The following JOSD2 variants were observed in gnomAD, a reference collection of about 807,000 sequenced individuals.
The protein encoded by JOSD2 is Josephin domain containing 2.
A neutral mutation model predicts 19.3 loss-of-function variants in JOSD2; 20 were observed. The ratio of observed to expected loss-of-function variants is 1.04; its 90% CI spans 0.73 to 1.51. The LOEUF (loss-of-function observed/expected upper bound fraction) is 1.51. Among genes scored for constraint, JOSD2 ranks in the 40% most tolerant of loss-of-function variants. The probability of loss-of-function intolerance (pLI) is 0.00; values close to 1 mark genes in which losing one functional copy is unlikely to be tolerated. For synonymous variants in JOSD2, 118 were observed against 123.7 expected (o/e 0.95, Z 0.31); for missense variants, 215 against 250.4 (o/e 0.86, Z 0.95).
chr19:50,506,511 C>T lies in JOSD2; in HGVS notation c.334G>A (p.Val112Met), dbSNP rs200052306. The T allele has an allele frequency of 5.7e-4, 881 of 1,554,772 alleles. 4 individuals are homozygous for T. In the African/African-American group the frequency reaches 0.01, roughly 18 times the overall value. ...LGLILNLPSPVSLGLLSLPLR... is the reference protein window; with the variant it reads ...LGLILNLPSPMSLGLLSLPLR... ...GGCAGTGACAGCAGCCCCAGCGACA[C>T]GGGCGAGGGCAGGTTCAGGATCAGC... Residue 112 changes from valine (V) to methionine (M), a missense_variant, in exon 4 of 5, where the codon GTG becomes ATG. Coordinates refer to ENST00000598418, the MANE Select transcript of JOSD2 (RefSeq NM_001270639.2).
intron 2 of JOSD2, 141 bp downstream of exon 2, chr19:50,510,145 G>C: frequency 1.1e-6 from 1 of 938,474 alleles, no homozygotes; most frequent in Non-Finnish European, 1.6e-6. Flanking sequence ...CATCTCCCCA[G>C]AGTCCCAGCG....
intron 4 of JOSD2, 43 bp from the exon 5 acceptor site, chr19:50,506,315 G>A: frequency 6.2e-7 from 1 of 1,609,910 alleles, no homozygotes; most frequent in Non-Finnish European, 8.5e-7. Context: ...GCCAGCCTGG[G>A]CATTCCGTCT....
chr19:50,506,266 G>A lies in JOSD2; in HGVS notation c.474C>T (p.Phe158=), dbSNP rs34177846. The change falls in exon 5 of 5, where the codon TTC becomes TTT. Residue 158 remains phenylalanine (F), a synonymous_variant. Transcript: ENST00000598418. Reference sequence around the variant, plus strand: ...GGCCCTGGGCCAGCGCAGCCGCCAGGAAGGCCCTGGGTGGGAGAAATGGGG... The same window carrying A: ...GGCCCTGGGCCAGCGCAGCCGCCAGAAAGGCCCTGGGTGGGAGAAATGGGG... ...ALGDEDGVRA[F]LAAALAQGLC... is the part of the protein sequence containing the mutation. 829 of 1,612,600 alleles carry A rather than the reference G, an allele frequency of 5.1e-4. 1 individual carries two copies. The African/African-American group carries it at 7.8e-3, about 15-fold the overall frequency.
intron 2 of JOSD2, among the ~76,000 whole-genome samples, chr19:50,508,698 C>CGTGTGTGTGTGTGTGTGT (rs58475114): frequency 7.1e-6 from 1 of 140,818 alleles, no homozygotes; most frequent in Non-Finnish European, 1.5e-5. Flanking sequence ...GGAAAACGCT[C>CGTGTGTGTGTGTGTGTGT]GTGTGTGTGT....
intron 3 of JOSD2, 127 bp downstream of exon 3, chr19:50,507,447 T>G (rs994057426): frequency 1.3e-4 from 177 of 1,319,692 alleles, no homozygotes; most frequent in South Asian, 3.6e-4. Flanking sequence ...AACCCATCAG[T>G]GCCAGGCTTC....
At chr19:50,510,077 A>G in intron 2 of JOSD2, 2 of 493,550 alleles carry the variant, frequency 4.1e-6, no homozygotes, top group South Asian at 5.2e-5. Flanking sequence ...AGAAAGAACC[A>G]CTGGATTGAG....
At chr19:50,506,803 A>T (rs1384220437) in intron 3 of JOSD2, among the ~76,000 whole-genome samples, 1 of 20,446 alleles carries the variant, frequency 4.9e-5, no homozygotes, top group African/African-American at 1.7e-4. Context: ...CCCACCGTCC[A>T]CCCACCCACC....
At chr19:50,510,903 C>T (rs1017924367) in intron 1 of JOSD2, among the ~76,000 whole-genome samples, 3 of 152,050 alleles carry the variant, frequency 2.0e-5, no homozygotes, top group African/African-American at 4.8e-5. Flanking sequence ...GGTCTCCTAG[C>T]AACAGAAGAC....
At chr19:50,507,752 C>T in intron 2 of JOSD2, 53 bp from the exon 3 acceptor site, 5 of 1,573,186 alleles carry the variant, frequency 3.2e-6, no homozygotes, top group Non-Finnish European at 4.3e-6. Context: ...AAGGCCTCCC[C>T]ACAAAATGGG....
Position 50,510,418 on chromosome 19 carries a change from G to C in JOSD2, c.14C>G (p.Pro5Arg), listed in dbSNP as rs192585908. 1.2e-6 allele frequency: 2 copies of C among 1,609,576 alleles called. No individual in the cohort carries two copies. The highest frequency in any genetic ancestry group is 1.3e-5 in the African/African-American group (1 of 74,960). Residue 5 changes from proline to arginine, a missense_variant, in exon 2 of 5, where the codon CCG (proline) becomes CGG (arginine). Coordinates refer to ENST00000598418, the MANE Select transcript of JOSD2 (RefSeq NM_001270639.2). MSQAPGAQPSPPTVY... is the reference protein window; with the variant it reads MSQARGAQPSPPTVY... Reference sequence around the variant, plus strand: ...GGTGGGTGGGCTCGGCTGTGCTCCCGGGGCCTGGGACATGCCGTCCTCGGC... The same window carrying C: ...GGTGGGTGGGCTCGGCTGTGCTCCCCGGGCCTGGGACATGCCGTCCTCGGC...
chr19:50,507,453 G>C, intron 3 of JOSD2, 121 bp downstream of exon 3: 1 of 1,365,442 alleles, frequency 7.3e-7, no homozygotes, highest in Non-Finnish European at 9.9e-7. Context: ...TCAGTGCCAG[G>C]CTTCCCACAT....
At chr19:50,508,502 T>C (rs1979519708) in intron 2 of JOSD2, among the ~76,000 whole-genome samples, 1 of 152,096 alleles carries the variant, frequency 6.6e-6, no homozygotes, top group Non-Finnish European at 1.5e-5. Flanking sequence ...CCCTCCTTCC[T>C]GGTCCCCTGT....
At chr19:50,510,069 A>G (rs957348303) in intron 2 of JOSD2, 2 of 489,290 alleles carry the variant, frequency 4.1e-6, no homozygotes, top group East Asian at 3.7e-5. Flanking sequence ...AAAAAAAAAG[A>G]AAGAACCACT....
chr19:50,507,280 C>T (rs1052898127), intron 3 of JOSD2, among the ~76,000 whole-genome samples: 3 of 151,688 alleles, frequency 2.0e-5, no homozygotes, highest in African/African-American at 7.3e-5. Flanking sequence ...CATTCATCCA[C>T]CCAACTCCCC....
intron 2 of JOSD2, 188 bp downstream of exon 2, chr19:50,510,098 G>C (rs1454711533): frequency 9.9e-6 from 6 of 603,334 alleles, no homozygotes; most frequent in Non-Finnish European, 1.7e-5. Context: ...GTCTGGCTGG[G>C]GCTGAGGCCA....
intron 2 of JOSD2, 47 bp from the exon 3 acceptor site, chr19:50,507,746 C>T (rs1979471417): frequency 6.3e-7 from 1 of 1,577,942 alleles, no homozygotes; most frequent in Non-Finnish European, 8.6e-7. Flanking sequence ...CCTGGAAAGG[C>T]CTCCCCACAA....
chr19:50,507,484 C>T, intron 3 of JOSD2, 90 bp downstream of exon 3: 1 of 1,495,762 alleles, frequency 6.7e-7, no homozygotes, highest in Non-Finnish European at 8.9e-7. Context: ...CTCCCCCAGC[C>T]ACATTCCCCT....
intron 2 of JOSD2, 81 bp downstream of exon 2, chr19:50,510,205 G>A (rs1979689322): frequency 1.8e-5 from 29 of 1,570,728 alleles, no homozygotes; most frequent in Non-Finnish European, 2.5e-5. Flanking sequence ...CCAAGGCTCA[G>A]CGCCTGCCTG....
intron 3 of JOSD2, 139 bp downstream of exon 3, chr19:50,507,435 T>C (rs7257671): frequency 0.23 from 279,618 of 1,200,768 alleles, 38,226 homozygotes; most frequent in African/African-American, 0.58. Context: ...TCTCCCCCTT[T>C]CAACCCATCA....
Sources: allele counts gnomAD v4.1 joint callset (sites outside exome capture counted in the v4.1 genomes callset), GRCh38; gene constraint gnomAD v4.1.1; transcripts MANE v1.5; gene names NCBI Gene and HGNC (gene_info 2026-07-23, HGNC 2026-07-21).